The following ABI3BP variants were observed in gnomAD, a reference collection of about 807,000 sequenced individuals.
ABI3BP encodes ABI family member 3 binding protein, also known as target of Nesh-SH3.
Under a neutral mutation model 268.6 loss-of-function variants are expected in ABI3BP, and 216 were observed. That is an observed-to-expected ratio of 0.80 (90% CI 0.72 to 0.90). The LOEUF (loss-of-function observed/expected upper bound fraction) is 0.90, where lower values mean the gene tolerates loss of function less well. ABI3BP is among the 40% of genes least tolerant of loss of function. The probability of loss-of-function intolerance (pLI) is 0.00; values close to 1 mark genes in which losing one functional copy is unlikely to be tolerated. For synonymous variants in ABI3BP, 730 were observed against 730.0 expected (o/e 1.00, Z 0.00); for missense variants, 2,090 against 2,182.4 (o/e 0.96, Z 0.84).
At chr3:100,957,324 G>T (rs1365130841) in intron 1 of ABI3BP, among the ~76,000 whole-genome samples, 1 of 152,188 alleles carries the variant, frequency 6.6e-6, no homozygotes, top group Non-Finnish European at 1.5e-5. Context: ...GAAAGATAGA[G>T]TTGTCTTTAG....
At chr3:100,883,661 A>G (rs2040505048) in intron 6 of ABI3BP, among the ~76,000 whole-genome samples, 1 of 152,160 alleles carries the variant, frequency 6.6e-6, no homozygotes, top group African/African-American at 2.4e-5. Context: ...ATAGCAACAT[A>G]AACTGATACA....
At chr3:100,980,157 T>G (rs1206361137) in intron 1 of ABI3BP, among the ~76,000 whole-genome samples, 1 of 152,264 alleles carries the variant, frequency 6.6e-6, no homozygotes, top group Non-Finnish European at 1.5e-5. Context: ...ACCATACTAC[T>G]GCCAATATGT....
At chr3:100,962,042 A>G (rs1349388268) in intron 1 of ABI3BP, among the ~76,000 whole-genome samples, 1 of 152,204 alleles carries the variant, frequency 6.6e-6, no homozygotes, top group Admixed American at 6.5e-5. Flanking sequence ...ATCAAATAGT[A>G]GGGTAGATGG....
chr3:100,814,489 T>C (rs1378923742), intron 44 of ABI3BP, among the ~76,000 whole-genome samples: 1 of 152,094 alleles, frequency 6.6e-6, no homozygotes, highest in African/African-American at 2.4e-5. Flanking sequence ...GTCCAACTAC[T>C]CTCTGTCATC....
chr3:100,754,219 G>A (rs981523969), intron 64 of ABI3BP, among the ~76,000 whole-genome samples: 2 of 152,194 alleles, frequency 1.3e-5, no homozygotes, highest in Non-Finnish European at 1.5e-5. Context: ...AAATATTAAT[G>A]CTGTATGTGC....
chr3:100,942,798 G>A (rs537894892), intron 1 of ABI3BP, among the ~76,000 whole-genome samples: 13 of 152,184 alleles, frequency 8.5e-5, no homozygotes, highest in African/African-American at 3.1e-4. Context: ...TCGACAAGCT[G>A]TATGGATATT....
intron 26 of ABI3BP, among the ~76,000 whole-genome samples, chr3:100,837,972 T>TA (rs1445887390): frequency 6.6e-6 from 1 of 152,106 alleles, no homozygotes; most frequent in Non-Finnish European, 1.5e-5. Context: ...AAAATAGGCC[T>TA]AAAAAAGCTT....
intron 20 of ABI3BP, chr3:100,843,652 G>A (rs1218792640): frequency 2.0e-6 from 2 of 983,932 alleles, no homozygotes; most frequent in African/African-American, 1.8e-5. Flanking sequence ...AAAGAGAAAG[G>A]GAATTGTATG....
At chr3:100,760,582 C>G (rs1276446111) in intron 63 of ABI3BP, among the ~76,000 whole-genome samples, 1 of 152,142 alleles carries the variant, frequency 6.6e-6, no homozygotes, top group African/African-American at 2.4e-5. Context: ...AGTTCTCTGG[C>G]CGACTCCATG....
chr3:100,782,154 T>A (rs1028622735), intron 57 of ABI3BP, among the ~76,000 whole-genome samples: 1 of 152,322 alleles, frequency 6.6e-6, no homozygotes, highest in East Asian at 1.9e-4. Context: ...CAAGCATGTG[T>A]TATCCAGCCA....
In ABI3BP at chr3:100,850,715, C is replaced by G; in HGVS notation, c.1371G>C (p.Leu457=). 6.2e-7 allele frequency: 1 copy of G among 1,612,676 alleles called. No homozygotes were observed. The highest frequency in any genetic ancestry group is 1.1e-5 in the South Asian group (1 of 90,990). The change falls in exon 16 of 68, where the codon CTG becomes CTC. Residue 457 remains leucine (L), a synonymous_variant. Coordinates refer to ENST00000471714, the MANE Select transcript of ABI3BP (RefSeq NM_001375547.2). ...TAGAAGTTTTAGGTGGGATAGAATC[C>G]AGAATACGATCACTTGTTGCTGTTG... The part of the protein sequence containing the change: ...DSYTATSDRI[L]DSIPPKTSRT...
chr3:100,804,899 G>A, intron 50 of ABI3BP, 33 bp from the exon 51 acceptor site: 1 of 1,570,294 alleles, frequency 6.4e-7, no homozygotes, highest in Non-Finnish European at 8.8e-7. Flanking sequence ...TAAGTCATTT[G>A]GTTTCAGCAT....
intron 1 of ABI3BP, among the ~76,000 whole-genome samples, chr3:100,981,770 G>C (rs1261919306): frequency 6.6e-6 from 1 of 152,140 alleles, no homozygotes; most frequent in Admixed American, 6.5e-5. Context: ...CAGTGTCCTG[G>C]CTCCTCTCTG....
Position 100,828,544 on chromosome 3 carries a change from C to G in ABI3BP, c.2543-92G>C. ...CAAAAAGAATTTTACGAGGTCATGA[C>G]ATATCTGTCCAGAGCACGAAGCAAA... On this transcript the variant is annotated intron_variant, in intron 33 of 67. Transcript: ENST00000471714. The G allele has an allele frequency of 2.6e-6, 3 of 1,152,352 alleles. No individual in the cohort carries two copies. The South Asian group carries it at 4.2e-5, about 16-fold the overall frequency. The allele number at this position is 1,152,352 out of a possible 1,614,324, so 71.4% of individuals were successfully genotyped here.
chr3:100,797,838 AG>A (rs1289793154), intron 51 of ABI3BP, among the ~76,000 whole-genome samples: 2 of 152,112 alleles, frequency 1.3e-5, no homozygotes, highest in Admixed American at 1.3e-4. Flanking sequence ...TAAAGAAAAA[AG>A]GAAACTTTAA....
chr3:100,759,092 GT>G (rs2095801559), intron 63 of ABI3BP, among the ~76,000 whole-genome samples: 1 of 152,104 alleles, frequency 6.6e-6, no homozygotes, highest in Non-Finnish European at 1.5e-5. Context: ...GATTTAAAAA[GT>G]TGGTTTTCAT....
chr3:100,807,422 T>C (rs1184919514), intron 50 of ABI3BP, among the ~76,000 whole-genome samples: 3 of 152,006 alleles, frequency 2.0e-5, no homozygotes, highest in Non-Finnish European at 4.4e-5. Context: ...AATAAATTAT[T>C]TTCATAGCTA....
At chr3:100,948,981 A>G (rs965906010) in intron 1 of ABI3BP, among the ~76,000 whole-genome samples, 1 of 152,180 alleles carries the variant, frequency 6.6e-6, no homozygotes, top group African/African-American at 2.4e-5. Context: ...ATGCAGATAA[A>G]TCTTCTGTAA....
intron 2 of ABI3BP, among the ~76,000 whole-genome samples, chr3:100,904,429 C>T (rs2052198205): frequency 6.6e-6 from 1 of 152,124 alleles, no homozygotes; most frequent in South Asian, 2.1e-4. Context: ...ATGTTCTTGC[C>T]TCCCCCACTC....
Sources: gnomAD v4.1 joint callset for allele counts (sites outside exome capture counted in the v4.1 genomes callset) on GRCh38, gnomAD v4.1.1 for gene constraint, MANE v1.5 for transcripts, NCBI Gene and HGNC (gene_info 2026-07-23, HGNC 2026-07-21) for gene names.